The following KCNMA1 variants were observed in gnomAD, a reference collection of about 807,000 sequenced individuals.
The protein encoded by KCNMA1 is potassium calcium-activated channel subfamily M alpha 1, also known as Calcium-activated potassium channel subunit alpha-1.
Under a neutral mutation model 140.0 loss-of-function variants are expected in KCNMA1, and 29 were observed. That is an observed-to-expected ratio of 0.21 (90% CI 0.15 to 0.28). KCNMA1 has a LOEUF of 0.28. Ranked by LOEUF, KCNMA1 falls within the 10% of genes least tolerant of loss-of-function variation. The pLI is 1.00. For missense variants in KCNMA1, 880 were observed against 1,602.2 expected (o/e 0.55, Z 7.70); for synonymous variants, 612 against 611.9 (o/e 1.00, Z 0.00).
chr10:77,302,435 A>G (rs1432046075), intron 2 of KCNMA1, among the ~76,000 whole-genome samples: 1 of 152,020 alleles, frequency 6.6e-6, no homozygotes, highest in Non-Finnish European at 1.5e-5. Flanking sequence ...AATTCCCCCT[A>G]CAAGCATTGC....
At chr10:77,516,792 G>A (rs1023094262) in intron 1 of KCNMA1, among the ~76,000 whole-genome samples, 5 of 152,294 alleles carry the variant, frequency 3.3e-5, no homozygotes, top group East Asian at 1.9e-4. Flanking sequence ...AGGCTAAAAC[G>A]GGGGTGCCTG....
At chr10:77,595,913 G>A (rs974933296) in intron 1 of KCNMA1, among the ~76,000 whole-genome samples, 1 of 152,158 alleles carries the variant, frequency 6.6e-6, no homozygotes, top group African/African-American at 2.4e-5. Flanking sequence ...ACCTCCCAAA[G>A]TGCTGGGATT....
intron 1 of KCNMA1, among the ~76,000 whole-genome samples, chr10:77,529,824 C>T (rs936266017): frequency 3.9e-5 from 6 of 152,080 alleles, no homozygotes; most frequent in African/African-American, 1.4e-4. Context: ...GCTGAAGAAC[C>T]ATGACATCCT....
chr10:77,281,252 TGCCCTTAGGAA>T (rs1403058489), intron 2 of KCNMA1, among the ~76,000 whole-genome samples: 8 of 152,186 alleles, frequency 5.3e-5, no homozygotes, highest in Admixed American at 3.9e-4. Context: ...TCCAAAGGAC[TGCCCTTAGGAA>T]GCCCTTAGGA....
rs562277163 is a variant in KCNMA1 at position 77,156,292 on chromosome 10, C to T, written c.808+27129G>A. The stretch of plus-strand genomic sequence containing the variant: ...ACATGACTCTACCTTCATCTTTTCT[C>T]CTAATTGCTTTCTCATATTCATATC... On this transcript the variant is annotated intron_variant, in intron 5 of 27. Transcript: ENST00000286628. Among the ~76,000 whole-genome samples, 84 of 150,724 alleles carry T rather than the reference C, an allele frequency of 5.6e-4. 1 individual carries two copies. The South Asian group carries it at 0.017, about 31-fold the overall frequency.
intron 2 of KCNMA1, among the ~76,000 whole-genome samples, chr10:77,270,817 G>A (rs1437566452): frequency 6.6e-6 from 1 of 151,946 alleles, no homozygotes; most frequent in Non-Finnish European, 1.5e-5. Context: ...AGGCTTGAGG[G>A]TAAACTTCAT....
intron 2 of KCNMA1, among the ~76,000 whole-genome samples, chr10:77,348,063 T>C (rs1456841314): frequency 2.0e-5 from 3 of 152,192 alleles, no homozygotes; most frequent in Admixed American, 6.5e-5. Context: ...GAACAACACA[T>C]CTGGACTGTG....
chr10:77,636,144 C>T, intron 1 of KCNMA1: 2 of 1,307,094 alleles, frequency 1.5e-6, no homozygotes, highest in Non-Finnish European at 2.0e-6. Context: ...ACGGTTCGCG[C>T]GTGAAGTCCC....
At chr10:77,576,573 C>T (rs2074190454) in intron 1 of KCNMA1, among the ~76,000 whole-genome samples, 1 of 152,330 alleles carries the variant, frequency 6.6e-6, no homozygotes, top group East Asian at 1.9e-4. Context: ...CCACATGCTG[C>T]ATATGGTCCT....
At chr10:77,139,245 A>C (rs1354322883) in intron 5 of KCNMA1, among the ~76,000 whole-genome samples, 1 of 152,228 alleles carries the variant, frequency 6.6e-6, no homozygotes, top group Non-Finnish European at 1.5e-5. Context: ...CCTTAGCTTA[A>C]TAATTCCATC....
chr10:77,115,336 A>G (rs1169496683), intron 6 of KCNMA1, among the ~76,000 whole-genome samples: 2 of 152,156 alleles, frequency 1.3e-5, no homozygotes, highest in African/African-American at 4.8e-5. Context: ...AATTGCCAAT[A>G]TTTATTGAGC....
intron 1 of KCNMA1, among the ~76,000 whole-genome samples, chr10:77,589,641 C>G (rs923271357): frequency 1.3e-5 from 2 of 152,090 alleles, no homozygotes; most frequent in Non-Finnish European, 2.9e-5. Flanking sequence ...TGTTACAGCT[C>G]TTAAGGTGGC....
At chr10:77,093,320 T>C (rs7076995) in intron 9 of KCNMA1, among the ~76,000 whole-genome samples, 64,880 of 152,102 alleles carry the variant, frequency 0.43, 15,380 homozygotes, top group Non-Finnish European at 0.53. Flanking sequence ...AGGAGAGTTA[T>C]TAGGTACATT....
At chr10:76,931,897 C>G (rs1039604856) in intron 23 of KCNMA1, among the ~76,000 whole-genome samples, 11 of 152,168 alleles carry the variant, frequency 7.2e-5, no homozygotes, top group African/African-American at 2.7e-4. Flanking sequence ...TACAGACAAA[C>G]AGATCAACAG....
At chr10:77,039,724 A>G (rs1429762684) in intron 14 of KCNMA1, 87 bp from the exon 15 acceptor site, 3 of 796,290 alleles carry the variant, frequency 3.8e-6, no homozygotes, top group Non-Finnish European at 6.6e-6. Context: ...AGGCAAACAA[A>G]TGAATGCACT....
At chr10:77,449,477 G>T (rs2097586192) in intron 1 of KCNMA1, among the ~76,000 whole-genome samples, 1 of 113,300 alleles carries the variant, frequency 8.8e-6, no homozygotes, top group South Asian at 3.0e-4. Context: ...AAGGAATTTA[G>T]AAAGAGTAGA....
At chr10:77,590,314 G>C (rs1433811021) in intron 1 of KCNMA1, among the ~76,000 whole-genome samples, 1 of 152,232 alleles carries the variant, frequency 6.6e-6, no homozygotes, top group Non-Finnish European at 1.5e-5. Context: ...CGATGGGACT[G>C]GGCGCCGTGG....
chr10:77,463,520 G>A (rs930872165), intron 1 of KCNMA1, among the ~76,000 whole-genome samples: 2 of 152,216 alleles, frequency 1.3e-5, no homozygotes, highest in Admixed American at 6.5e-5. Flanking sequence ...CTGATGAGCA[G>A]AGAGGAGCCG....
chr10:77,318,606 G>A (rs2081494725), intron 2 of KCNMA1, among the ~76,000 whole-genome samples: 1 of 152,112 alleles, frequency 6.6e-6, no homozygotes, highest in South Asian at 2.1e-4. Flanking sequence ...CCAAGCACCT[G>A]GTAGGCACCC....
Sources: allele counts gnomAD v4.1 joint callset (sites outside exome capture counted in the v4.1 genomes callset), GRCh38; gene constraint gnomAD v4.1.1; transcripts MANE v1.5; gene names NCBI Gene and HGNC (gene_info 2026-07-23, HGNC 2026-07-21).